FZR1: variants seen among roughly 807,000 people sequenced by gnomAD.
FZR1 encodes fizzy-related protein homolog.
Under a neutral mutation model 63.6 loss-of-function variants are expected in FZR1, and 11 were observed. The observed-to-expected ratio is 0.17, with a 90% CI of 0.11 to 0.29. The LOEUF is 0.29. Ranked by LOEUF, FZR1 falls within the 10% of genes least tolerant of loss-of-function variation. FZR1 has a pLI of 1.00. For synonymous variants in FZR1, 328 were observed against 297.9 expected, an observed-to-expected ratio of 1.10 and a Z score of -1.04; for missense variants, 440 against 687.5, an observed-to-expected ratio of 0.64 and a Z score of 4.03.
chr19:3,513,868 C>T (rs557757821), intron 1 of FZR1, among the ~76,000 whole-genome samples: 1 of 152,128 alleles, frequency 6.6e-6, no homozygotes, highest in Non-Finnish European at 1.5e-5. Context: ...CCATAGGTGG[C>T]ACATCCAGAC....
intron 1 of FZR1, among the ~76,000 whole-genome samples, chr19:3,512,973 A>G (rs2083034245): frequency 6.6e-6 from 1 of 151,988 alleles, no homozygotes; most frequent in African/African-American, 2.4e-5. Context: ...GGTCTTTCTT[A>G]TCTGGTGCTT....
Position 3,530,754 on chromosome 19 carries a change from A to G in FZR1, c.655-38A>G, listed in dbSNP as rs371831727. On this transcript the variant is annotated intron_variant, in intron 7 of 13. Transcript: ENST00000441788. ...TACCCATGGATAGACTGGGGCTTCG[A>G]GACCAGCGGCAAAGCTCACACTGAC... 1.1e-5 allele frequency: 17 copies of G among 1,562,358 alleles called. No individual in the cohort carries two copies. The African/African-American group carries it at 1.2e-4, about 11-fold the overall frequency.
rs934482471 is a variant in FZR1, at chr19:3,515,259, C to G, written c.-34-7697C>G. On this transcript the variant is annotated intron_variant, in intron 1 of 13. Coordinates refer to ENST00000441788, the MANE Select transcript of FZR1 (RefSeq NM_016263.4). This position sits in a 1 kb window ranked among gnomAD's most constrained non-coding sequence, Gnocchi z 4.6. The stretch of plus-strand genomic sequence containing the variant: ...CTCCCTCGACCCGGTCTGAGCCTTT[C>G]CACACGGCCACACACGTTGTCTGTG... Among the ~76,000 whole-genome samples, 6 of 152,222 alleles carry G rather than the reference C, an allele frequency of 3.9e-5. No homozygotes were observed. Among genetic ancestry groups the G allele is most frequent in the African/African-American group, 1.4e-4 (6 of 41,446 alleles).
chr19:3,529,349 TGGATGGGAGAGC>T lies in FZR1; in HGVS notation c.655-1430_655-1419del, dbSNP rs1370084756. On this transcript the variant is annotated intron_variant, in intron 7 of 13. Coordinates refer to ENST00000441788, the MANE Select transcript of FZR1 (RefSeq NM_016263.4). Reference sequence around the variant, plus strand: ...GAGTGGATGAGAGTGGTTGAGGGAGTGGATGGGAGAGCGGATGGGAGAGCAGATGGGAGAGCA... The same window carrying T: ...GAGTGGATGAGAGTGGTTGAGGGAGTGGATGGGAGAGCAGATGGGAGAGCA... 2.1e-3 allele frequency among the ~76,000 whole-genome samples: 164 copies of T among 77,682 alleles called. 2 individuals are homozygous for T. Among genetic ancestry groups the T allele is most frequent in the Non-Finnish European group, 2.8e-3 (107 of 38,208 alleles). 51.0% of individuals were successfully genotyped at this position (77,682 alleles called of 152,430 possible).
In FZR1 at chr19:3,526,253, C is replaced by G; in HGVS notation, c.260-6C>G. ...TGCCCCGCCTCACTGTGCTTGGTGC[C>G]CGCAGACGGCCTGGCCTACTCTGCC... On this transcript the variant is annotated splice_region_variant and splice_polypyrimidine_tract_variant and intron_variant, in intron 4 of 13. Coordinates refer to ENST00000441788, the MANE Select transcript of FZR1 (RefSeq NM_016263.4). The surrounding 1 kb of genome is among the most constrained non-coding windows in gnomAD (Gnocchi z 5.4). 3 of 1,611,752 alleles carry G rather than the reference C, an allele frequency of 1.9e-6. No individual in the cohort carries two copies. Among genetic ancestry groups the G allele is most frequent in the Non-Finnish European group, 2.5e-6 (3 of 1,179,722 alleles).
Position 3,532,342 on chromosome 19 carries a change from C to T in FZR1, c.1009-75C>T, listed in dbSNP as rs567755725. On this transcript the variant is annotated intron_variant, in intron 10 of 13. Transcript: ENST00000441788. Reference sequence around the variant, plus strand: ...TGTGGGGTGGGGTGCCAGGGCAGGTCGTCACACCTGTGAGGACCGGCCTAT... The same window carrying T: ...TGTGGGGTGGGGTGCCAGGGCAGGTTGTCACACCTGTGAGGACCGGCCTAT... The T allele has an allele frequency of 3.6e-5, 43 of 1,194,022 alleles. No homozygotes were observed. In the Admixed American group the frequency reaches 8.9e-4, roughly 25 times the overall value. The allele number at this position is 1,194,022 out of a possible 1,614,324, so 74.0% of individuals were successfully genotyped here.
At chr19:3,528,300 C>T (rs1007694343) in intron 7 of FZR1, among the ~76,000 whole-genome samples, 3 of 152,218 alleles carry the variant, frequency 2.0e-5, no homozygotes, top group Admixed American at 6.5e-5. Flanking sequence ...AGACACTGCC[C>T]GCTGGGGTGG....
chr19:3,525,973 G>A lies in FZR1; in HGVS notation c.175G>A (p.Val59Met), dbSNP rs746625962. The change falls in exon 3 of 14, where the codon GTG (valine) becomes ATG (methionine). Residue 59 changes from valine to methionine, a missense_variant. Around this residue, in one of 5 missense-constraint regions of FZR1, gnomAD observed 200 missense variants for 245.1 expected, o/e 0.82. Transcript: ENST00000441788. The surrounding 1 kb of genome is among the most constrained non-coding windows in gnomAD (Gnocchi z 4.2). ...CTCCAGAGCCGGAGCCAACTGGAGC[G>A]TGAACTTCCACAGGATTAACGTGAG... ...IPSRAGANWS[V>M]NFHRINENEK... 2.9e-5 allele frequency: 47 copies of A among 1,612,074 alleles called. No homozygotes were observed. The highest frequency in any genetic ancestry group is 3.4e-5 in the Non-Finnish European group (40 of 1,179,750).
At position 3,532,405 on chromosome 19, in the gene FZR1, CCT is replaced by C; in HGVS notation, c.1009-11_1009-10del. On this transcript the variant is annotated splice_polypyrimidine_tract_variant and intron_variant, in intron 10 of 13. Coordinates refer to ENST00000441788, the MANE Select transcript of FZR1 (RefSeq NM_016263.4). ...CTGGGACAGCCCCGGCCTCACAGCC[CCT>C]GTCCCCCAGCTGCTGGTCTGGAATC... 1 of 1,582,854 alleles carries C rather than the reference CCT, an allele frequency of 6.3e-7. No individual in the cohort carries two copies. Among genetic ancestry groups the C allele is most frequent in the Non-Finnish European group, 8.6e-7 (1 of 1,161,890 alleles).
At chr19:3,518,003 GTTTC>G (rs1248107620) in intron 1 of FZR1, among the ~76,000 whole-genome samples, 41 of 137,084 alleles carry the variant, frequency 3.0e-4, no homozygotes, top group Non-Finnish European at 1.2e-4. Flanking sequence ...CCAGCTAACT[GTTTC>G]TTTCTTTTTT....
intron 13 of FZR1, 58 bp downstream of exon 13, chr19:3,534,571 C>G: frequency 8.3e-7 from 1 of 1,211,064 alleles, no homozygotes; most frequent in Non-Finnish European, 1.2e-6. Context: ...CCAGGGTCGT[C>G]CCTGTCCCCA....
chr19:3,527,567 C>A, intron 6 of FZR1, 64 bp from the exon 7 acceptor site: 1 of 1,349,164 alleles, frequency 7.4e-7, no homozygotes, highest in Non-Finnish European at 1.0e-6. Context: ...AGACACTTCC[C>A]AAGCGTTTGC....
intron 7 of FZR1, among the ~76,000 whole-genome samples, chr19:3,529,815 A>AGCGG (rs2121999742): frequency 1.8e-5 from 2 of 110,562 alleles, no homozygotes; most frequent in African/African-American, 8.0e-5. Flanking sequence ...TGGATGGTTG[A>AGCGG]GTGGATGGGT....
chr19:3,532,130 C>T, intron 10 of FZR1, 35 bp downstream of exon 10: 2 of 1,464,452 alleles, frequency 1.4e-6, no homozygotes, highest in Non-Finnish European at 1.8e-6. Flanking sequence ...TCCCCTTCAC[C>T]AGAAGCCGCA....
At chr19:3,517,298 G>A (rs111719708) in intron 1 of FZR1, among the ~76,000 whole-genome samples, 2,191 of 152,310 alleles carry the variant, frequency 0.014, 58 homozygotes, top group African/African-American at 0.046. Flanking sequence ...GCTGAGGCAG[G>A]AGGATCACTT....
intron 10 of FZR1, 77 bp from the exon 11 acceptor site, chr19:3,532,340 G>T: frequency 8.5e-7 from 1 of 1,176,314 alleles, no homozygotes; most frequent in Non-Finnish European, 1.2e-6. Context: ...GCCAGGGCAG[G>T]TCGTCACACC....
intron 10 of FZR1, 34 bp downstream of exon 10, chr19:3,532,129 C>G (rs2083254086): frequency 2.2e-5 from 32 of 1,466,590 alleles, no homozygotes; most frequent in Non-Finnish European, 2.8e-5. Flanking sequence ...TTCCCCTTCA[C>G]CAGAAGCCGC....
intron 1 of FZR1, among the ~76,000 whole-genome samples, chr19:3,522,650 C>T (rs4807484): frequency 0.4 from 61,017 of 152,112 alleles, 13,923 homozygotes; most frequent in East Asian, 0.83. Context: ...GAGTCCTTGT[C>T]GGGACCTCCA....
At chr19:3,507,093 G>A (rs1318499475) in intron 1 of FZR1, among the ~76,000 whole-genome samples, 1 of 152,116 alleles carries the variant, frequency 6.6e-6, no homozygotes. Flanking sequence ...GCAGGCACGG[G>A]TTGAGTGCAT....
Sources: allele counts gnomAD v4.1 joint callset (sites outside exome capture counted in the v4.1 genomes callset), GRCh38; gene constraint gnomAD v4.1.1; regional missense constraint gnomAD v4.1.1; non-coding constraint Gnocchi (gnomAD v3.1); transcripts MANE v1.5; gene names NCBI Gene and HGNC (gene_info 2026-07-23, HGNC 2026-07-21).